ARHGEF28: variants seen among roughly 807,000 people sequenced by gnomAD.
ARHGEF28 encodes 190 kDa guanine nucleotide exchange factor.
Under a neutral mutation model 206.6 loss-of-function variants are expected in ARHGEF28, and 152 were observed. The ratio of observed to expected loss-of-function variants is 0.74; its 90% CI spans 0.64 to 0.84. ARHGEF28 has a LOEUF of 0.84. ARHGEF28 is among the 40% of genes least tolerant of loss of function. The pLI is 0.00. For synonymous variants in ARHGEF28, 763 were observed against 776.4 expected (o/e 0.98, Z 0.29); for missense variants, 2,028 against 2,073.2 (o/e 0.98, Z 0.42).
In ARHGEF28 at chr5:73,922,464, G is replaced by A. The variant is rs79485839; in HGVS notation, c.4948+10889G>A. ...GAGCCTTCACATACTTGGCTTTGCCGAAAGCTTCTGGAATCTGCGTGTTCA... is the reference window on the plus strand; with the variant it reads ...GAGCCTTCACATACTTGGCTTTGCCAAAAGCTTCTGGAATCTGCGTGTTCA... On this transcript the variant is annotated intron_variant, in intron 35 of 35. Coordinates refer to ENST00000513042, the MANE Select transcript of ARHGEF28 (RefSeq NM_001177693.2). 5.5e-4 allele frequency among the ~76,000 whole-genome samples: 84 copies of A among 152,318 alleles called. 1 individual carries two copies. The highest frequency in any genetic ancestry group is 8.8e-4 in the Non-Finnish European group (60 of 68,022).
intron 10 of ARHGEF28, among the ~76,000 whole-genome samples, chr5:73,835,434 C>A (rs1757568737): frequency 6.7e-6 from 1 of 149,238 alleles, no homozygotes; most frequent in Admixed American, 6.7e-5. Flanking sequence ...TGTGCCACTG[C>A]ACTCCAGCCT....
chr5:73,653,054 T>C (rs1744932666), intron 1 of ARHGEF28, among the ~76,000 whole-genome samples: 1 of 152,212 alleles, frequency 6.6e-6, no homozygotes, highest in African/African-American at 2.4e-5. Context: ...CTTGTAGCTG[T>C]TGGTCAATAG....
Position 73,911,471 on chromosome 5 carries a change from A to G in ARHGEF28, c.4844A>G (p.Asp1615Gly), listed in dbSNP as rs763001308. Residue 1615 changes from aspartate (D) to glycine (G), a missense_variant, in exon 35 of 36, where the codon GAC becomes GGC. Asp to Gly is a moderately conservative substitution (Grantham distance 94). Around this residue, in one of 3 missense-constraint regions of ARHGEF28, gnomAD observed 803 missense variants for 768.0 expected, o/e 1.05. Coordinates refer to ENST00000513042, the MANE Select transcript of ARHGEF28 (RefSeq NM_001177693.2). ...GAACATCAAGTAGACCTCAAGGTGGACCCTTCTCAGCCTTCGAATGTCAGT... is the reference window on the plus strand; with the variant it reads ...GAACATCAAGTAGACCTCAAGGTGGGCCCTTCTCAGCCTTCGAATGTCAGT... ...TSEHQVDLKV[D>G]PSQPSNVSHK... The G allele has an allele frequency of 3.1e-5, 50 of 1,613,852 alleles. No homozygotes were observed. The highest frequency in any genetic ancestry group is 4.2e-5 in the Non-Finnish European group (49 of 1,179,888).
intron 1 of ARHGEF28, among the ~76,000 whole-genome samples, chr5:73,653,700 C>T (rs1051764455): frequency 1.3e-5 from 2 of 152,210 alleles, no homozygotes; most frequent in South Asian, 2.1e-4. Flanking sequence ...CCTATCTGTC[C>T]TTCCCTTTAG....
intron 22 of ARHGEF28, among the ~76,000 whole-genome samples, chr5:73,881,918 G>A (rs1044583469): frequency 5.3e-5 from 8 of 152,112 alleles, no homozygotes; most frequent in African/African-American, 1.9e-4. Context: ...TTTCATCTTG[G>A]CTAATGATAG....
chr5:73,714,800 G>A (rs538467832), intron 2 of ARHGEF28, among the ~76,000 whole-genome samples: 1 of 152,240 alleles, frequency 6.6e-6, no homozygotes, highest in South Asian at 2.1e-4. Context: ...GGTCCCTTGT[G>A]CCCACTTCTG....
At chr5:73,746,791 G>C (rs919089058) in intron 2 of ARHGEF28, among the ~76,000 whole-genome samples, 10 of 151,912 alleles carry the variant, frequency 6.6e-5, no homozygotes, top group African/African-American at 1.9e-4. Context: ...TGTCTGCCTC[G>C]GACTTTGAAC....
intron 9 of ARHGEF28, among the ~76,000 whole-genome samples, chr5:73,814,754 A>C (rs1756079326): frequency 6.6e-6 from 1 of 152,138 alleles, no homozygotes; most frequent in Non-Finnish European, 1.5e-5. Flanking sequence ...AGCAGTTGTC[A>C]GCAAACCAGC....
chr5:73,635,065 C>T (rs1342137143), intron 1 of ARHGEF28, among the ~76,000 whole-genome samples: 2 of 152,126 alleles, frequency 1.3e-5, no homozygotes, highest in Admixed American at 1.3e-4. Context: ...ATTCATGGGC[C>T]GGGTGCAGTG....
At chr5:73,890,162 C>G (rs895956925) in intron 26 of ARHGEF28, among the ~76,000 whole-genome samples, 5 of 152,142 alleles carry the variant, frequency 3.3e-5, no homozygotes, top group African/African-American at 9.7e-5. Flanking sequence ...TACCGATGGA[C>G]AGGTTCCCAT....
At chr5:73,914,797 A>G (rs1330126439) in intron 35 of ARHGEF28, among the ~76,000 whole-genome samples, 2 of 151,106 alleles carry the variant, frequency 1.3e-5, no homozygotes, top group Admixed American at 6.6e-5. Flanking sequence ...GTGATTTTCA[A>G]TCACTGCAAC....
At position 73,724,464 on chromosome 5, in the gene ARHGEF28, A is replaced by G. The variant is rs995666960; in HGVS notation, c.34-25373A>G. ...TAAAATCCCCCCCTTTTTAGTGTACAGTTCTGACTGTTGACAAATACACAG... is the reference window on the plus strand; with the variant it reads ...TAAAATCCCCCCCTTTTTAGTGTACGGTTCTGACTGTTGACAAATACACAG... On this transcript the variant is annotated intron_variant, in intron 2 of 35. Coordinates refer to ENST00000513042, the MANE Select transcript of ARHGEF28 (RefSeq NM_001177693.2). Among the ~76,000 whole-genome samples the G allele has an allele frequency of 5.3e-5, 8 of 152,170 alleles. No homozygotes were observed. The East Asian group carries it at 1.5e-3, about 29-fold the overall frequency.
intron 21 of ARHGEF28, among the ~76,000 whole-genome samples, chr5:73,871,722 A>G (rs1760115335): frequency 6.6e-6 from 1 of 152,214 alleles, no homozygotes; most frequent in Non-Finnish European, 1.5e-5. Context: ...GAACATCTTC[A>G]TCACTTCAAA....
rs946631194 is a variant in ARHGEF28 at position 73,941,668 on chromosome 5, C to G, written c.*655C>G. The G allele has an allele frequency of 1.3e-5, 2 of 152,236 alleles. No homozygotes were observed. Among genetic ancestry groups the G allele is most frequent in the African/African-American group, 4.8e-5 (2 of 41,410 alleles). The allele number at this position is 152,236 out of a possible 1,614,324, so 9.4% of individuals were successfully genotyped here. ...TCATCTTTTAACAAGGCCCAGAGGC[C>G]CAGAGCCCCCATCAAGTCATTTTGA... is the stretch of plus-strand genomic sequence containing the variant. On this transcript the variant is annotated 3_prime_UTR_variant, in exon 36 of 36. Transcript: ENST00000513042.
chr5:73,826,268 T>C (rs1048129690), intron 9 of ARHGEF28, among the ~76,000 whole-genome samples: 1 of 152,192 alleles, frequency 6.6e-6, no homozygotes, highest in Admixed American at 6.5e-5. Flanking sequence ...CAGCAGAGTG[T>C]TAGGAATTGA....
rs565372989 is a variant in ARHGEF28 at position 73,906,186 on chromosome 5, T to A, written c.4161+1781T>A. On this transcript the variant is annotated intron_variant, in intron 33 of 35. Transcript: ENST00000513042. ...TTTGAGTATATGACAGTGCTCATCT[T>A]ATTTATTTTTCTATGCATATTTATA... 2.6e-5 allele frequency among the ~76,000 whole-genome samples: 4 copies of A among 152,324 alleles called. No homozygotes were observed. The East Asian group carries it at 7.7e-4, about 29-fold the overall frequency.
chr5:73,846,604 T>G (rs1407245357), intron 12 of ARHGEF28, 129 bp downstream of exon 12: 11 of 787,388 alleles, frequency 1.4e-5, no homozygotes, highest in Non-Finnish European at 2.0e-5. Context: ...GAGACCCATG[T>G]GATATCTGAT....
At chr5:73,810,715 T>C (rs1353899049) in intron 9 of ARHGEF28, among the ~76,000 whole-genome samples, 3 of 152,174 alleles carry the variant, frequency 2.0e-5, no homozygotes, top group Non-Finnish European at 4.4e-5. Context: ...TAATCTGCAT[T>C]TAAAATGAAC....
chr5:73,748,929 G>A (rs371738649), intron 2 of ARHGEF28, among the ~76,000 whole-genome samples: 76 of 152,286 alleles, frequency 5.0e-4, no homozygotes, highest in South Asian at 1.0e-3. Context: ...TCCCCTGGGT[G>A]CAACACGGCT....
Sources: gnomAD v4.1 joint callset for allele counts (sites outside exome capture counted in the v4.1 genomes callset) on GRCh38, gnomAD v4.1.1 for gene constraint, gnomAD v4.1.1 regional missense constraint, MANE v1.5 for transcripts, NCBI Gene and HGNC (gene_info 2026-07-23, HGNC 2026-07-21) for gene names.